Variants in PCDHGA6 observed in about 807,000 individuals in gnomAD.
PCDHGA6 encodes the protein protocadherin gamma-A6.
Under a neutral mutation model 60.6 loss-of-function variants are expected in PCDHGA6, and 41 were observed. That is an observed-to-expected ratio of 0.68 (90% CI 0.53 to 0.88). The LOEUF is 0.88. PCDHGA6 is among the 40% of genes least tolerant of loss of function. The pLI, the probability that PCDHGA6 is intolerant of heterozygous loss-of-function variation, is 0.00. For synonymous variants in PCDHGA6, 594 were observed against 524.4 expected (o/e 1.13, Z -1.81); for missense variants, 1,312 against 1,203.0 (o/e 1.09, Z -1.34).
chr5:141,421,328 A>G (rs1355932974), intron 1 of PCDHGA6: 1 of 1,613,902 alleles, frequency 6.2e-7, no homozygotes. Flanking sequence ...CAGATCCGAT[A>G]TTCGGTGCCA....
chr5:141,466,496 GCA>G (rs2099123596), intron 1 of PCDHGA6, among the ~76,000 whole-genome samples: 1 of 152,120 alleles, frequency 6.6e-6, no homozygotes. Context: ...TTTAATTAGA[GCA>G]CAGACAAGAT....
chr5:141,405,698 G>C (rs1274236930), intron 1 of PCDHGA6, among the ~76,000 whole-genome samples: 1 of 152,128 alleles, frequency 6.6e-6, no homozygotes, highest in Non-Finnish European at 1.5e-5. Flanking sequence ...GGCTGGTCTT[G>C]AATTCCTAAC....
Position 141,476,676 on chromosome 5 carries a change from G to T in PCDHGA6, c.2425-18131G>T. 1.2e-6 allele frequency: 2 copies of T among 1,614,222 alleles called. No individual in the cohort carries two copies. The highest frequency in any genetic ancestry group is 1.7e-6 in the Non-Finnish European group (2 of 1,180,054). ...TACTTTGCGCTTCGCGTGCAGACGC[G>T]GGAGGACAGCACCAAGTACGCGGAG... On this transcript the variant is annotated intron_variant, in intron 1 of 3. Transcript: ENST00000517434. The surrounding 1 kb of genome is among the most constrained non-coding windows in gnomAD (Gnocchi z 7.6).
chr5:141,392,865 G>A, intron 1 of PCDHGA6: 1 of 1,613,006 alleles, frequency 6.2e-7, no homozygotes, highest in Non-Finnish European at 8.5e-7. Flanking sequence ...CCTGCTGTGC[G>A]CGCTGCTGGG....
chr5:141,477,817 C>G lies in PCDHGA6; in HGVS notation c.2425-16990C>G, dbSNP rs1593824080. 2 of 1,614,138 alleles carry G rather than the reference C, an allele frequency of 1.2e-6. No individual in the cohort carries two copies. The highest frequency in any genetic ancestry group is 8.5e-7 in the Non-Finnish European group (1 of 1,180,038). ...ATCGCAATGACAATGCCCCCCAGGT[C>G]CTATATCCTCGGCCAGGTGGGAGCT... is the stretch of plus-strand genomic sequence containing the variant. On this transcript the variant is annotated intron_variant, in intron 1 of 3. Coordinates refer to ENST00000517434, the MANE Select transcript of PCDHGA6 (RefSeq NM_018919.3). This position sits in a 1 kb window ranked among gnomAD's most constrained non-coding sequence, Gnocchi z 4.9.
rs757755103 is a variant in PCDHGA6 at position 141,432,638 on chromosome 5, C to T, written c.2424+56131C>T. 1.2e-6 allele frequency: 2 copies of T among 1,613,810 alleles called. No homozygotes were observed. Among genetic ancestry groups the T allele is most frequent in the Non-Finnish European group, 8.5e-7 (1 of 1,179,930 alleles). ...GGTGGGTCTGCACACGGGCGAGGTG[C>T]GCACGGCGCGAGCCCTGCTGGACAG... is the stretch of plus-strand genomic sequence containing the variant. On this transcript the variant is annotated intron_variant, in intron 1 of 3. Transcript: ENST00000517434. The surrounding 1 kb of genome is among the most constrained non-coding windows in gnomAD (Gnocchi z 6.0).
intron 1 of PCDHGA6, among the ~76,000 whole-genome samples, chr5:141,467,047 A>G (rs1271306217): frequency 1.3e-5 from 2 of 149,986 alleles, no homozygotes; most frequent in East Asian, 3.9e-4. Context: ...GTAATGAATC[A>G]ATGTTTTCTT....
At position 141,384,620 on chromosome 5, in the gene PCDHGA6, G is replaced by C. The variant is rs767421233; in HGVS notation, c.2424+8113G>C. On this transcript the variant is annotated intron_variant, in intron 1 of 3. Coordinates refer to ENST00000517434, the MANE Select transcript of PCDHGA6 (RefSeq NM_018919.3). ...GCCCTCCCCACAGATGGTTCTACTG[G>C]CATGGAGCTGGCACCCCGCTCCGCA... 6 of 1,614,082 alleles carry C rather than the reference G, an allele frequency of 3.7e-6. No homozygotes were observed. The African/African-American group carries it at 8.0e-5, about 22-fold the overall frequency.
rs752341952 is a variant in PCDHGA6 at position 141,431,380 on chromosome 5, T to C, written c.2424+54873T>C. 10 of 1,613,902 alleles carry C rather than the reference T, an allele frequency of 6.2e-6. No homozygotes were observed. The highest frequency in any genetic ancestry group is 8.5e-6 in the Non-Finnish European group (10 of 1,180,024). ...CCCTGGACCGCGAAGAAAAGGCTGCTCACCACCTGGTCCTTACGGCCTCCG... is the reference window on the plus strand; with the variant it reads ...CCCTGGACCGCGAAGAAAAGGCTGCCCACCACCTGGTCCTTACGGCCTCCG... On this transcript the variant is annotated intron_variant, in intron 1 of 3. Transcript: ENST00000517434. The surrounding 1 kb of genome is among the most constrained non-coding windows in gnomAD (Gnocchi z 4.8).
rs1482297743 is a variant in PCDHGA6 at position 141,403,937 on chromosome 5, G to A, written c.2424+27430G>A. 8 of 1,613,778 alleles carry A rather than the reference G, an allele frequency of 5.0e-6. No individual in the cohort carries two copies. The highest frequency in any genetic ancestry group is 6.8e-6 in the Non-Finnish European group (8 of 1,179,896). On this transcript the variant is annotated intron_variant, in intron 1 of 3. Transcript: ENST00000517434. ...AGCTGAAGATGGTGGGGGATTGAAA[G>A]GGTGGACAAAAGTGCTCATTTCGGT...
At position 141,432,349 on chromosome 5, in the gene PCDHGA6, G is replaced by T; in HGVS notation, c.2424+55842G>T. On this transcript the variant is annotated intron_variant, in intron 1 of 3. Transcript: ENST00000517434. This position sits in a 1 kb window ranked among gnomAD's most constrained non-coding sequence, Gnocchi z 6.0. Reference sequence around the variant, plus strand: ...ACGAGCAGTTCCGAGACTTGCAAGTGAAAGTGATGGCGCGGGACAACGGGC... The same window carrying T: ...ACGAGCAGTTCCGAGACTTGCAAGTTAAAGTGATGGCGCGGGACAACGGGC... 4 of 1,614,240 alleles carry T rather than the reference G, an allele frequency of 2.5e-6. No homozygotes were observed. Among genetic ancestry groups the T allele is most frequent in the Non-Finnish European group, 1.7e-6 (2 of 1,180,046 alleles).
chr5:141,423,513 G>A, intron 1 of PCDHGA6: 2 of 1,613,750 alleles, frequency 1.2e-6, no homozygotes. Context: ...CTCTCATTGC[G>A]GACTCGCAGA....
intron 1 of PCDHGA6, among the ~76,000 whole-genome samples, chr5:141,474,227 G>A (rs1394834744): frequency 6.6e-6 from 1 of 152,190 alleles, no homozygotes; most frequent in Non-Finnish European, 1.5e-5. Flanking sequence ...TGTGAATTAA[G>A]TGATGCTGAA....
intron 1 of PCDHGA6, among the ~76,000 whole-genome samples, chr5:141,472,677 C>T (rs1275941416): frequency 6.6e-6 from 1 of 151,658 alleles, no homozygotes; most frequent in Non-Finnish European, 1.5e-5. Context: ...ACTGGTCCTT[C>T]CATTTCCCCT....
chr5:141,409,233 G>A, intron 1 of PCDHGA6: 2 of 1,614,008 alleles, frequency 1.2e-6, no homozygotes, highest in Non-Finnish European at 1.7e-6. Flanking sequence ...AACGACAACA[G>A]CCCAGAAATA....
chr5:141,416,458 G>A (rs1391820726), intron 1 of PCDHGA6: 1 of 152,194 alleles, frequency 6.6e-6, no homozygotes, highest in Non-Finnish European at 1.5e-5. Flanking sequence ...TGGGAAGACA[G>A]ATAAATTTGT....
chr5:141,403,201 C>T (rs1486888915), intron 1 of PCDHGA6: 2 of 1,614,002 alleles, frequency 1.2e-6, no homozygotes, highest in South Asian at 1.1e-5. Context: ...GCAGCGGCAC[C>T]TTGGTCACCG....
intron 1 of PCDHGA6, chr5:141,478,700 C>A: frequency 1.3e-6 from 2 of 1,549,172 alleles, no homozygotes; most frequent in Non-Finnish European, 1.7e-6. Flanking sequence ...AAAGTTAGTG[C>A]CTTTGTGAGA....
chr5:141,398,505 T>A (rs1561664724), intron 1 of PCDHGA6: 7 of 1,598,768 alleles, frequency 4.4e-6, no homozygotes, highest in Non-Finnish European at 6.0e-6. Context: ...TCGAGGACAT[T>A]AATGACCACA....
Sources: allele counts gnomAD v4.1 joint callset (sites outside exome capture counted in the v4.1 genomes callset), GRCh38; gene constraint gnomAD v4.1.1; non-coding constraint Gnocchi (gnomAD v3.1); transcripts MANE v1.5; gene names NCBI Gene and HGNC (gene_info 2026-07-23, HGNC 2026-07-21).